Variants in CTNNBL1 observed in about 807,000 individuals in gnomAD.
CTNNBL1 encodes the protein catenin beta like 1, also known as beta-catenin-like protein 1.
Under a neutral mutation model 72.7 loss-of-function variants are expected in CTNNBL1, and 31 were observed. The ratio of observed to expected loss-of-function variants is 0.43; its 90% CI spans 0.32 to 0.58. The LOEUF (loss-of-function observed/expected upper bound fraction) is 0.58, where lower values mean the gene tolerates loss of function less well. Ranked by LOEUF, CTNNBL1 falls within the 20% of genes least tolerant of loss-of-function variation. CTNNBL1 has a pLI of 0.08. For synonymous variants in CTNNBL1, 240 were observed against 267.3 expected, an observed-to-expected ratio of 0.90 and a Z score of 1.00; for missense variants, 534 against 725.1, an observed-to-expected ratio of 0.74 and a Z score of 3.03.
At chr20:37,828,666 G>A (rs1408771720) in intron 11 of CTNNBL1, among the ~76,000 whole-genome samples, 3 of 152,164 alleles carry the variant, frequency 2.0e-5, no homozygotes, top group Admixed American at 6.5e-5. Flanking sequence ...GGAGTTCCTG[G>A]CCCCTAGCCC....
intron 10 of CTNNBL1, among the ~76,000 whole-genome samples, chr20:37,798,829 C>T (rs898371526): frequency 7.9e-5 from 12 of 152,088 alleles, no homozygotes; most frequent in East Asian, 1.9e-4. Context: ...ATTTTATGAC[C>T]GCCATTCATT....
intron 2 of CTNNBL1, 130 bp from the exon 3 acceptor site, chr20:37,737,248 G>A (rs762260326): frequency 3.0e-6 from 2 of 664,442 alleles, no homozygotes; most frequent in Non-Finnish European, 2.6e-6. Context: ...AACAAAAAAA[G>A]TGTACTGTAC....
intron 11 of CTNNBL1, among the ~76,000 whole-genome samples, chr20:37,818,737 G>A (rs2072080639): frequency 6.6e-6 from 1 of 152,156 alleles, no homozygotes; most frequent in African/African-American, 2.4e-5. Context: ...ACTTCAAAAA[G>A]AGCAGCACCA....
At chr20:37,859,312 G>A (rs1193021275) in intron 13 of CTNNBL1, among the ~76,000 whole-genome samples, 8 of 151,170 alleles carry the variant, frequency 5.3e-5, no homozygotes, top group Non-Finnish European at 1.0e-4. Context: ...TGCCGAGATC[G>A]CGCCTTTGCA....
intron 5 of CTNNBL1, among the ~76,000 whole-genome samples, chr20:37,764,807 A>G (rs1444884305): frequency 6.6e-6 from 1 of 152,188 alleles, no homozygotes; most frequent in East Asian, 1.9e-4. Context: ...TTTGGCTTGA[A>G]TGAACCGTTG....
intron 5 of CTNNBL1, 147 bp downstream of exon 5, chr20:37,757,803 G>A (rs886442635): frequency 1.6e-6 from 1 of 613,266 alleles, no homozygotes; most frequent in South Asian, 2.0e-5. Flanking sequence ...GAGTAAAAAA[G>A]TAGAGATGTG....
intron 1 of CTNNBL1, among the ~76,000 whole-genome samples, chr20:37,730,789 C>A (rs189881617): frequency 6.6e-6 from 1 of 152,232 alleles, no homozygotes; most frequent in Admixed American, 6.5e-5. Flanking sequence ...CCAGCCTAGG[C>A]AACATAGTGA....
At chr20:37,720,009 G>C (rs2073026274) in intron 1 of CTNNBL1, among the ~76,000 whole-genome samples, 1 of 147,026 alleles carries the variant, frequency 6.8e-6, no homozygotes, top group Non-Finnish European at 1.5e-5. Flanking sequence ...ACTGCGCCTG[G>C]CTAATTTTTT....
chr20:37,706,599 T>C (rs995692756), intron 1 of CTNNBL1, among the ~76,000 whole-genome samples: 1 of 152,226 alleles, frequency 6.6e-6, no homozygotes, highest in African/African-American at 2.4e-5. Flanking sequence ...TTCCACCACA[T>C]CTGCAGTTAG....
At chr20:37,710,565 C>T (rs1331690150) in intron 1 of CTNNBL1, among the ~76,000 whole-genome samples, 1 of 148,900 alleles carries the variant, frequency 6.7e-6, no homozygotes, top group Non-Finnish European at 1.5e-5. Context: ...CATCTCTTTG[C>T]CCCCCCCACT....
chr20:37,868,887 A>G (rs929384214), intron 15 of CTNNBL1, among the ~76,000 whole-genome samples: 3 of 152,082 alleles, frequency 2.0e-5, no homozygotes, highest in Non-Finnish European at 2.9e-5. Flanking sequence ...TGTTAGCTCA[A>G]TCCATTAAGA....
At chr20:37,854,415 C>T (rs2072421083) in intron 13 of CTNNBL1, among the ~76,000 whole-genome samples, 1 of 151,944 alleles carries the variant, frequency 6.6e-6, no homozygotes. Flanking sequence ...AATCTATACC[C>T]ACACAAACAT....
In CTNNBL1 at chr20:37,772,846, CT is replaced by C. The variant is rs1441955359; in HGVS notation, c.751-4494del. ...ACAGCATTCTAGTGTTGGATTTCTC[CT>C]TTTTGTACTGGTAGCCTAGCAGTAT... is the stretch of plus-strand genomic sequence containing the variant. On this transcript the variant is annotated intron_variant, in intron 7 of 15. Transcript: ENST00000361383. Among the ~76,000 whole-genome samples the C allele has an allele frequency of 7.2e-5, 11 of 152,208 alleles. No individual in the cohort carries two copies. The East Asian group carries it at 2.1e-3, about 29-fold the overall frequency.
rs1004143628 is a variant in CTNNBL1 at position 37,760,121 on chromosome 20, C to G, written c.564+2465C>G. Among the ~76,000 whole-genome samples the G allele has an allele frequency of 2.0e-5, 3 of 152,230 alleles. No homozygotes were observed. In the East Asian group the frequency reaches 5.8e-4, roughly 29 times the overall value. On this transcript the variant is annotated intron_variant, in intron 5 of 15. Transcript: ENST00000361383. The stretch of plus-strand genomic sequence containing the variant: ...CCACTGCTGTTACTTACGCAAAAGG[C>G]AAATATTTGTGCTTTGTAACAAGTT...
intron 7 of CTNNBL1, among the ~76,000 whole-genome samples, chr20:37,775,138 A>T (rs2073562773): frequency 6.6e-6 from 1 of 152,208 alleles, no homozygotes; most frequent in Non-Finnish European, 1.5e-5. Context: ...ATATATATTT[A>T]TGTCCTTACA....
At chr20:37,803,096 AT>A in intron 11 of CTNNBL1, 48 bp downstream of exon 11, 1 of 1,545,604 alleles carries the variant, frequency 6.5e-7, no homozygotes, top group Non-Finnish European at 8.9e-7. Flanking sequence ...ATTAGGAGAA[AT>A]AGGGAAATGT....
intron 12 of CTNNBL1, among the ~76,000 whole-genome samples, chr20:37,840,835 C>G (rs979860506): frequency 3.3e-5 from 5 of 151,642 alleles, no homozygotes; most frequent in Admixed American, 3.3e-4. Context: ...GCTGGGAACA[C>G]AGTTACATGA....
intron 5 of CTNNBL1, among the ~76,000 whole-genome samples, chr20:37,762,195 T>TA (rs562195538): frequency 2.6e-4 from 39 of 152,320 alleles, no homozygotes; most frequent in Admixed American, 2.4e-3. Context: ...ATGACCATGT[T>TA]ACCATATTAT....
At chr20:37,759,316 G>A (rs1050748435) in intron 5 of CTNNBL1, among the ~76,000 whole-genome samples, 9 of 152,120 alleles carry the variant, frequency 5.9e-5, no homozygotes, top group East Asian at 3.9e-4. Context: ...ACCTTCCAGA[G>A]GTTAATTACA....
Sources: allele counts gnomAD v4.1 joint callset (sites outside exome capture counted in the v4.1 genomes callset), GRCh38; gene constraint gnomAD v4.1.1; transcripts MANE v1.5; gene names NCBI Gene and HGNC (gene_info 2026-07-23, HGNC 2026-07-21).